DPP6: variants seen among roughly 807,000 people sequenced by gnomAD.
The protein encoded by DPP6 is dipeptidyl peptidase like 6.
DPP6 carries 69 observed loss-of-function variants against 122.6 expected under a neutral mutation model. The ratio of observed to expected loss-of-function variants is 0.56; its 90% CI spans 0.46 to 0.69. The LOEUF (loss-of-function observed/expected upper bound fraction) is 0.69. DPP6 is among the 30% of genes least tolerant of loss of function. The pLI, the probability that DPP6 is intolerant of heterozygous loss-of-function variation, is 0.00. For missense variants in DPP6, 928 were observed against 1,116.9 expected (o/e 0.83, Z 2.41); for synonymous variants, 418 against 433.1 (o/e 0.97, Z 0.43).
At chr7:154,732,197 G>T (rs946994260) in intron 8 of DPP6, among the ~76,000 whole-genome samples, 1 of 105,454 alleles carries the variant, frequency 9.5e-6, no homozygotes, top group African/African-American at 4.3e-5. Flanking sequence ...CTGCCACCAT[G>T]CCCGGCTAAT....
intron 8 of DPP6, among the ~76,000 whole-genome samples, chr7:154,753,725 G>A (rs1049969507): frequency 2.0e-5 from 3 of 152,146 alleles, no homozygotes; most frequent in Admixed American, 6.5e-5. Context: ...GGACAGGAGC[G>A]GTCAGGAGTG....
intron 16 of DPP6, among the ~76,000 whole-genome samples, chr7:154,819,425 ATAAAT>A (rs1426338504): frequency 1.1e-5 from 1 of 91,346 alleles, no homozygotes; most frequent in East Asian, 3.3e-4. Context: ...CAATAAATAA[ATAAAT>A]TAATTAATTA....
chr7:154,468,852 A>G (rs113180900), intron 2 of DPP6, among the ~76,000 whole-genome samples: 26 of 152,348 alleles, frequency 1.7e-4, no homozygotes, highest in East Asian at 9.7e-4. Context: ...ATTTGTAAGG[A>G]GAAGCTTTTA....
intron 1 of DPP6, among the ~76,000 whole-genome samples, chr7:153,889,297 T>G (rs182601641): frequency 3.9e-5 from 6 of 152,354 alleles, no homozygotes; most frequent in African/African-American, 1.4e-4. Context: ...AGCCATTGTG[T>G]TGTTCAGCAT....
chr7:154,633,250 T>C (rs1178253394), intron 5 of DPP6, among the ~76,000 whole-genome samples: 1 of 152,156 alleles, frequency 6.6e-6, no homozygotes, highest in African/African-American at 2.4e-5. Context: ...ATTCATTTAG[T>C]TTTTGAGATG....
At chr7:154,380,092 T>C (rs1048624460) in intron 1 of DPP6, among the ~76,000 whole-genome samples, 1 of 152,012 alleles carries the variant, frequency 6.6e-6, no homozygotes, top group Non-Finnish European at 1.5e-5. Flanking sequence ...ATATACTAAA[T>C]TGAAAAAACA....
At chr7:154,332,397 G>A (rs1401850565) in intron 1 of DPP6, among the ~76,000 whole-genome samples, 1 of 152,206 alleles carries the variant, frequency 6.6e-6, no homozygotes, top group Non-Finnish European at 1.5e-5. Context: ...TAATGTGCAT[G>A]GAAATTACTG....
At chr7:153,748,608 G>A in the DPP6 span, among the ~76,000 whole-genome samples, 1 of 93,348 alleles carries the variant, frequency 1.1e-5, no homozygotes, top group South Asian at 4.7e-4. Context: ...CACCTCCTTG[G>A]AGCTCCTTTT....
the DPP6 span, among the ~76,000 whole-genome samples, chr7:153,826,502 A>G: frequency 6.6e-6 from 1 of 152,164 alleles, no homozygotes; most frequent in African/African-American, 2.4e-5. Context: ...GGTCTGCGAC[A>G]TTTTTAAAGA....
At chr7:154,701,669 C>G (rs1840536454) in intron 7 of DPP6, among the ~76,000 whole-genome samples, 1 of 152,182 alleles carries the variant, frequency 6.6e-6, no homozygotes, top group South Asian at 2.1e-4. Flanking sequence ...TTGATTTATC[C>G]TCATTTCTAT....
chr7:154,000,325 C>T (rs759742342), intron 1 of DPP6, among the ~76,000 whole-genome samples: 3 of 152,222 alleles, frequency 2.0e-5, no homozygotes, highest in Non-Finnish European at 4.4e-5. Context: ...TGTGTCCTTG[C>T]TAGCTCATTG....
chr7:154,495,863 G>T (rs962190429), intron 3 of DPP6, among the ~76,000 whole-genome samples: 8 of 152,252 alleles, frequency 5.3e-5, no homozygotes, highest in Middle Eastern at 3.4e-3. Context: ...TGCAGGAAGG[G>T]ACACAGAAGG....
chr7:154,241,624 C>A lies in DPP6; in HGVS notation c.243+188561C>A, dbSNP rs1446364020. 6.6e-6 allele frequency among the ~76,000 whole-genome samples: 1 copy of A among 152,084 alleles called. No homozygotes were observed. Among genetic ancestry groups the A allele is most frequent in the African/African-American group, 2.4e-5 (1 of 41,422 alleles). ...ACTCCAAAATGCCTCCCTATTTATTCTTATATTGATTAATGTATTCTTCCT... is the reference window on the plus strand; with the variant it reads ...ACTCCAAAATGCCTCCCTATTTATTATTATATTGATTAATGTATTCTTCCT... On this transcript the variant is annotated intron_variant, in intron 1 of 25. Transcript: ENST00000377770. The surrounding 1 kb of genome is among the most constrained non-coding windows in gnomAD (Gnocchi z 9.0).
intron 6 of DPP6, among the ~76,000 whole-genome samples, chr7:154,667,001 A>G (rs1028415254): frequency 1.3e-5 from 2 of 152,152 alleles, no homozygotes; most frequent in African/African-American, 2.4e-5. Context: ...CATGTGTCAT[A>G]CTTTTTTCTT....
chr7:154,017,770 T>G (rs1334630148), intron 1 of DPP6, among the ~76,000 whole-genome samples: 1 of 149,616 alleles, frequency 6.7e-6, no homozygotes, highest in African/African-American at 2.4e-5. Flanking sequence ...ATTAGAATAC[T>G]TGAAACCTAG....
At chr7:154,383,869 G>GAC in intron 1 of DPP6, among the ~76,000 whole-genome samples, 1 of 127,484 alleles carries the variant, frequency 7.8e-6, no homozygotes, top group East Asian at 2.4e-4. Flanking sequence ...CAGCCTGGGT[G>GAC]ACAGAGTGAG....
chr7:154,779,808 C>G (rs1340561041), intron 10 of DPP6, among the ~76,000 whole-genome samples: 1 of 152,150 alleles, frequency 6.6e-6, no homozygotes, highest in Non-Finnish European at 1.5e-5. Context: ...TAGCTATGCC[C>G]AACCCCCAGT....
At chr7:154,076,150 A>T (rs71532604) in intron 1 of DPP6, among the ~76,000 whole-genome samples, 11,689 of 151,562 alleles carry the variant, frequency 0.077, 450 homozygotes, top group Middle Eastern at 0.17. Flanking sequence ...GGTTTAAAAT[A>T]TTTTTTTTTA....
intron 16 of DPP6, among the ~76,000 whole-genome samples, chr7:154,824,728 G>C (rs767610802): frequency 5.3e-5 from 8 of 152,236 alleles, no homozygotes; most frequent in Non-Finnish European, 8.8e-5. Flanking sequence ...GGAAAAAGAT[G>C]AGAGAAAATC....
Sources: gnomAD v4.1 joint callset for allele counts (sites outside exome capture counted in the v4.1 genomes callset) on GRCh38, gnomAD v4.1.1 for gene constraint, Gnocchi (gnomAD v3.1) non-coding constraint, MANE v1.5 for transcripts, NCBI Gene and HGNC (gene_info 2026-07-23, HGNC 2026-07-21) for gene names.